SNRNP70: variants seen among roughly 807,000 people sequenced by gnomAD.
SNRNP70 encodes the protein U1 small nuclear ribonucleoprotein 70 kDa.
In SNRNP70, 8 loss-of-function variants were observed where a neutral mutation model predicts 50.5. The observed-to-expected ratio is 0.16, with a 90% CI of 0.09 to 0.29. The LOEUF is 0.29. Ranked by LOEUF, SNRNP70 falls within the 10% of genes least tolerant of loss-of-function variation. The pLI, the probability that SNRNP70 is intolerant of heterozygous loss-of-function variation, is 1.00. For missense variants in SNRNP70, 529 were observed against 663.5 expected (o/e 0.80, Z 2.23); for synonymous variants, 320 against 252.9 (o/e 1.27, Z -2.52).
intron 6 of SNRNP70, among the ~76,000 whole-genome samples, chr19:49,099,021 T>C (rs2040547432): frequency 6.6e-6 from 1 of 152,208 alleles, no homozygotes; most frequent in Non-Finnish European, 1.5e-5. Flanking sequence ...GGTTGGATTG[T>C]TGCAACAGTA....
chr19:49,096,489 G>A (rs2040515509), intron 4 of SNRNP70, among the ~76,000 whole-genome samples: 1 of 152,164 alleles, frequency 6.6e-6, no homozygotes, highest in African/African-American at 2.4e-5. Flanking sequence ...TCTTAGGCCA[G>A]GTGCGGTGGC....
At chr19:49,099,002 G>C (rs1055003609) in intron 6 of SNRNP70, among the ~76,000 whole-genome samples, 1 of 152,228 alleles carries the variant, frequency 6.6e-6, no homozygotes. Context: ...TGCTACTGTT[G>C]TAAGGCAGGG....
At position 49,107,690 on chromosome 19, in the gene SNRNP70, G is replaced by A; in HGVS notation, c.643G>A (p.Asp215Asn). ...GAACATCCGGCATTCAGGCCGCGAT[G>A]ACACCTCCCGCTACGATGAGAGGTA... ...DVNIRHSGRD[D>N]TSRYDERPGP... Residue 215 changes from aspartate to asparagine, a missense_variant, in exon 9 of 10, where the codon GAC becomes AAC. Coordinates refer to ENST00000598441, the MANE Select transcript of SNRNP70 (RefSeq NM_003089.6). This position sits in a 1 kb window ranked among gnomAD's most constrained non-coding sequence, Gnocchi z 6.0. 6.2e-7 allele frequency: 1 copy of A among 1,614,092 alleles called. No homozygotes were observed. Among genetic ancestry groups the A allele is most frequent in the Non-Finnish European group, 8.5e-7 (1 of 1,179,998 alleles).
At chr19:49,089,020 A>G (rs370936644) in intron 2 of SNRNP70, among the ~76,000 whole-genome samples, 1 of 152,208 alleles carries the variant, frequency 6.6e-6, no homozygotes, top group Non-Finnish European at 1.5e-5. Context: ...GTGAGAAGCA[A>G]TGTCTTTCCT....
At chr19:49,085,981 C>T (rs1454688621) in intron 1 of SNRNP70, among the ~76,000 whole-genome samples, 1 of 152,164 alleles carries the variant, frequency 6.6e-6, no homozygotes, top group Non-Finnish European at 1.5e-5. Context: ...CCTTATGTTT[C>T]TCTTTCTTTG....
rs370245644 is a variant in SNRNP70 at position 49,108,134 on chromosome 19, C to T, written c.1005C>T (p.Leu335=). The change falls in exon 10 of 10, where the codon CTC becomes CTT. Residue 335 remains leucine (L), a synonymous_variant. Coordinates refer to ENST00000598441, the MANE Select transcript of SNRNP70 (RefSeq NM_003089.6). ...CTGATGATGGGCCTCCAGGGGAGCTCGGGCCTGACGGCCCTGACGGTCCAG... is the reference window on the plus strand; with the variant it reads ...CTGATGATGGGCCTCCAGGGGAGCTTGGGCCTGACGGCCCTGACGGTCCAG... ...APPDDGPPGE[L]GPDGPDGPEE... 3.2e-5 allele frequency: 50 copies of T among 1,543,396 alleles called. No individual in the cohort carries two copies. Among genetic ancestry groups the T allele is most frequent in the African/African-American group, 4.1e-5 (3 of 73,086 alleles).
Position 49,098,723 on chromosome 19 carries a change from G to A in SNRNP70, c.393+19G>A. ...CAAAAGAGTAAGTGGAGTGGGTCAG[G>A]GTGTTTGAATTGGGGGTGCATGGAG... On this transcript the variant is annotated intron_variant, in intron 6 of 9. Coordinates refer to ENST00000598441, the MANE Select transcript of SNRNP70 (RefSeq NM_003089.6). 3.1e-6 allele frequency: 5 copies of A among 1,608,916 alleles called. No individual in the cohort carries two copies. The highest frequency in any genetic ancestry group is 4.3e-6 in the Non-Finnish European group (5 of 1,175,278).
chr19:49,092,203 G>A (rs1424644272), intron 4 of SNRNP70, among the ~76,000 whole-genome samples: 4 of 152,134 alleles, frequency 2.6e-5, no homozygotes, highest in Non-Finnish European at 5.9e-5. Flanking sequence ...CCGCCTCCCA[G>A]GTTCAAGTGA....
At chr19:49,090,751 C>T (rs574760837) in intron 4 of SNRNP70, 1,124 of 570,710 alleles carry the variant, frequency 2.0e-3, no homozygotes, top group Non-Finnish European at 2.4e-3. Flanking sequence ...GTACCTTGGG[C>T]TCCTCCTGCA....
At chr19:49,101,497 C>G (rs1164335207) in intron 7 of SNRNP70, 26 bp downstream of exon 7, 1 of 1,544,942 alleles carries the variant, frequency 6.5e-7, no homozygotes, top group Admixed American at 1.7e-5. Flanking sequence ...CGAGCCCTGC[C>G]CTCTGACCTG....
chr19:49,094,188 T>C (rs2040485302), intron 4 of SNRNP70, among the ~76,000 whole-genome samples: 1 of 151,958 alleles, frequency 6.6e-6, no homozygotes, highest in African/African-American at 2.4e-5. Context: ...GAGACCAAAA[T>C]GGTGTGCTAT....
At chr19:49,099,312 G>A (rs925715939) in intron 6 of SNRNP70, among the ~76,000 whole-genome samples, 3 of 152,158 alleles carry the variant, frequency 2.0e-5, no homozygotes, top group Non-Finnish European at 2.9e-5. Context: ...CAGGCCGGGT[G>A]CAATGGCTCA....
At chr19:49,098,847 A>C (rs927578945) in intron 6 of SNRNP70, 143 bp downstream of exon 6, 1 of 713,768 alleles carries the variant, frequency 1.4e-6, no homozygotes, top group Non-Finnish European at 2.6e-6. Context: ...CTGTATCTCC[A>C]TGCAGCAGAC....
chr19:49,101,454 A>G lies in SNRNP70; in HGVS notation c.458A>G (p.His153Arg). The G allele has an allele frequency of 6.2e-7, 1 of 1,613,536 alleles. No homozygotes were observed. Among genetic ancestry groups the G allele is most frequent in the Non-Finnish European group, 8.5e-7 (1 of 1,179,568 alleles). The change falls in exon 7 of 10, where the codon CAC becomes CGC. Residue 153 changes from histidine to arginine, a missense_variant. His to Arg is a conservative substitution (Grantham distance 29). Coordinates refer to ENST00000598441, the MANE Select transcript of SNRNP70 (RefSeq NM_003089.6). The part of the protein sequence containing the change: ...PRGYAFIEYE[H>R]ERDMHSAYKH... ...GGCTATGCCTTCATCGAGTACGAAC[A>G]CGAGCGAGACATGCACTGTGAGTAC...
chr19:49,088,293 C>T (rs958960417), intron 2 of SNRNP70, among the ~76,000 whole-genome samples: 2 of 147,702 alleles, frequency 1.4e-5, no homozygotes, highest in Admixed American at 6.8e-5. Flanking sequence ...AGCTCCGCCT[C>T]CCGGGTTCAT....
intron 6 of SNRNP70, among the ~76,000 whole-genome samples, chr19:49,101,081 C>T (rs2040579096): frequency 6.6e-6 from 1 of 152,202 alleles, no homozygotes; most frequent in Non-Finnish European, 1.5e-5. Context: ...TCCCCAGCCT[C>T]CTGCCCTCCT....
intron 1 of SNRNP70, among the ~76,000 whole-genome samples, 173 bp downstream of exon 1, chr19:49,085,809 C>T (rs1255368417): frequency 1.3e-5 from 2 of 152,240 alleles, no homozygotes; most frequent in African/African-American, 4.8e-5. Context: ...ACGCCCGCTT[C>T]CCACAGCGCC....
intron 6 of SNRNP70, among the ~76,000 whole-genome samples, chr19:49,099,432 A>G (rs1001623060): frequency 9.2e-5 from 14 of 151,522 alleles, no homozygotes; most frequent in Non-Finnish European, 1.8e-4. Context: ...ACACAAAGGA[A>G]AAAAAAAGTA....
intron 6 of SNRNP70, among the ~76,000 whole-genome samples, chr19:49,100,747 A>G (rs1424783733): frequency 6.7e-6 from 1 of 149,206 alleles, no homozygotes; most frequent in Non-Finnish European, 1.5e-5. Flanking sequence ...TGCAGGTTGC[A>G]GTGAGCTGAG....
Sources: gnomAD v4.1 joint callset for allele counts (sites outside exome capture counted in the v4.1 genomes callset) on GRCh38, gnomAD v4.1.1 for gene constraint, Gnocchi (gnomAD v3.1) non-coding constraint, MANE v1.5 for transcripts, NCBI Gene and HGNC (gene_info 2026-07-23, HGNC 2026-07-21) for gene names.